Variants in MAPK8 observed in about 807,000 individuals in gnomAD.
MAPK8 encodes mitogen-activated protein kinase 8.
In MAPK8, 13 loss-of-function variants were observed where a neutral mutation model predicts 52.9. The ratio of observed to expected loss-of-function variants is 0.25; its 90% CI spans 0.16 to 0.39. MAPK8 has a LOEUF of 0.39. Among genes scored for constraint, MAPK8 ranks in the 10% least tolerant of loss-of-function variants. The pLI is 1.00. For synonymous variants in MAPK8, 191 were observed against 169.8 expected (o/e 1.12, Z -0.97); for missense variants, 300 against 519.2 (o/e 0.58, Z 4.10).
chr10:48,331,898 A>G (rs1268414947), intron 1 of MAPK8, among the ~76,000 whole-genome samples: 1 of 152,168 alleles, frequency 6.6e-6, no homozygotes, highest in Non-Finnish European at 1.5e-5. Context: ...CATTTGGTCC[A>G]GGGTATTTTA....
intron 11 of MAPK8, among the ~76,000 whole-genome samples, chr10:48,434,448 C>CT (rs1452289414): frequency 2.0e-5 from 3 of 152,296 alleles, no homozygotes; most frequent in East Asian, 1.9e-4. Context: ...GCTGTAAAGA[C>CT]TTTTTTGTAG....
At chr10:48,381,120 A>C (rs1171081660) in intron 1 of MAPK8, among the ~76,000 whole-genome samples, 1 of 152,144 alleles carries the variant, frequency 6.6e-6, no homozygotes, top group Non-Finnish European at 1.5e-5. Flanking sequence ...ACGAAATCCT[A>C]CCTTTGTATC....
intron 11 of MAPK8, among the ~76,000 whole-genome samples, chr10:48,432,563 GCTATA>G (rs1184652902): frequency 1.3e-5 from 2 of 152,084 alleles, no homozygotes; most frequent in African/African-American, 4.8e-5. Flanking sequence ...GCTTTGTATT[GCTATA>G]TAGTAGTAGT....
intron 5 of MAPK8, among the ~76,000 whole-genome samples, chr10:48,413,392 T>C (rs574819911): frequency 7.2e-5 from 11 of 152,212 alleles, no homozygotes; most frequent in Admixed American, 7.2e-4. Flanking sequence ...TGTACCATTT[T>C]ACATTCCCAC....
chr10:48,407,698 C>G (rs951655958), intron 3 of MAPK8, among the ~76,000 whole-genome samples: 1 of 152,160 alleles, frequency 6.6e-6, no homozygotes, highest in African/African-American at 2.4e-5. Context: ...GGGACCATCA[C>G]TACAGTCAGT....
At chr10:48,403,567 A>G (rs1368850854) in intron 2 of MAPK8, among the ~76,000 whole-genome samples, 1 of 152,130 alleles carries the variant, frequency 6.6e-6, no homozygotes, top group Non-Finnish European at 1.5e-5. Flanking sequence ...AATTTACAAT[A>G]TCAAAAATTA....
At chr10:48,418,776 G>A (rs996698172) in intron 5 of MAPK8, among the ~76,000 whole-genome samples, 2 of 152,022 alleles carry the variant, frequency 1.3e-5, no homozygotes, top group Non-Finnish European at 2.9e-5. Context: ...TAGTCTTTGA[G>A]GCTTTTTTTG....
At chr10:48,355,275 C>T (rs1051151309) in intron 1 of MAPK8, among the ~76,000 whole-genome samples, 2 of 152,006 alleles carry the variant, frequency 1.3e-5, no homozygotes, top group South Asian at 2.1e-4. Context: ...TTTGGGAGGC[C>T]GAGGTGGGCG....
chr10:48,433,646 C>T (rs1395101200), intron 11 of MAPK8, among the ~76,000 whole-genome samples: 2 of 152,198 alleles, frequency 1.3e-5, no homozygotes, highest in Non-Finnish European at 2.9e-5. Context: ...TTCTGTATCC[C>T]AGTCCCCTCC....
rs71026206 is a variant in MAPK8, at chr10:48,320,211, CTTTTTTTTTTTT to C, written c.-50+13411_-50+13422del. On this transcript the variant is annotated intron_variant, in intron 1 of 11. Transcript: ENST00000374189. The stretch of plus-strand genomic sequence containing the variant: ...TTTCAGGTGTGAGCCACTGCTCGGC[CTTTTTTTTTTTT>C]TTTTTTTTTTTTTTTTTTTTAAATT... Among the ~76,000 whole-genome samples, 126 of 35,322 alleles carry C rather than the reference CTTTTTTTTTTTT, an allele frequency of 3.6e-3. 2 individuals are homozygous for C. In the South Asian group the frequency reaches 0.04, roughly 11 times the overall value. 23.2% of individuals were successfully genotyped at this position (35,322 alleles called of 152,430 possible). A position where few individuals can be genotyped will look rare whatever the true frequency, so the allele number is the denominator to read the frequency against.
At position 48,344,407 on chromosome 10, in the gene MAPK8, C is replaced by T. The variant is rs537658219; in HGVS notation, c.-50+37586C>T. ...TGCCAGATTGGCCATCTGCTGTTTC[C>T]CACTAGTCATCGATTTTTCATCAGG... On this transcript the variant is annotated intron_variant, in intron 1 of 11. Transcript: ENST00000374189. 2.9e-4 allele frequency among the ~76,000 whole-genome samples: 44 copies of T among 152,270 alleles called. 1 individual carries two copies. The South Asian group carries it at 8.9e-3, about 31-fold the overall frequency.
chr10:48,436,904 A>G lies in MAPK8; in HGVS notation c.*1875A>G, dbSNP rs2044891374. 1 of 152,352 alleles carries G rather than the reference A, an allele frequency of 6.6e-6. No homozygotes were observed. The highest frequency in any genetic ancestry group is 1.9e-4 in the East Asian group (1 of 5,190). The allele number at this position is 152,352 out of a possible 1,614,324, so 9.4% of individuals were successfully genotyped here. ...CAGAAAATATTGGATTCACAATTTC[A>G]GCAGAAATTTGAGAATGAGTGTGTT... is the stretch of plus-strand genomic sequence containing the variant. On this transcript the variant is annotated 3_prime_UTR_variant, in exon 12 of 12. Coordinates refer to ENST00000374189, the MANE Select transcript of MAPK8 (RefSeq NM_001323329.2).
chr10:48,406,552 T>C (rs1038341015), intron 3 of MAPK8, among the ~76,000 whole-genome samples: 2 of 152,186 alleles, frequency 1.3e-5, no homozygotes, highest in African/African-American at 4.8e-5. Flanking sequence ...TAGAAGAGTG[T>C]GGACAAGAGT....
At chr10:48,420,605 A>G (rs2043299318) in intron 6 of MAPK8, among the ~76,000 whole-genome samples, 2 of 152,298 alleles carry the variant, frequency 1.3e-5, no homozygotes, top group South Asian at 4.1e-4. Context: ...TTGCTTGCCT[A>G]TAACTTGAAA....
At chr10:48,322,457 G>A (rs749920506) in intron 1 of MAPK8, among the ~76,000 whole-genome samples, 1 of 152,186 alleles carries the variant, frequency 6.6e-6, no homozygotes, top group Non-Finnish European at 1.5e-5. Flanking sequence ...GACTTTGGCA[G>A]GAGGCAAGCT....
At chr10:48,388,510 A>G (rs1402487225) in intron 1 of MAPK8, among the ~76,000 whole-genome samples, 1 of 152,124 alleles carries the variant, frequency 6.6e-6, no homozygotes, top group African/African-American at 2.4e-5. Flanking sequence ...AATCAATGTA[A>G]AAACCCCTTT....
intron 11 of MAPK8, among the ~76,000 whole-genome samples, chr10:48,433,496 G>A (rs1392669874): frequency 4.6e-5 from 7 of 152,118 alleles, no homozygotes; most frequent in Non-Finnish European, 5.9e-5. Context: ...CACTCTGACT[G>A]GGAAGCTAAT....
intron 1 of MAPK8, among the ~76,000 whole-genome samples, chr10:48,323,444 G>A (rs180856581): frequency 1.2e-3 from 186 of 152,284 alleles, no homozygotes; most frequent in Non-Finnish European, 2.1e-3. Context: ...TGGACTTATG[G>A]TTGTGTCTTA....
At chr10:48,382,768 A>G (rs1307933547) in intron 1 of MAPK8, among the ~76,000 whole-genome samples, 1 of 147,442 alleles carries the variant, frequency 6.8e-6, no homozygotes, top group Non-Finnish European at 1.5e-5. Context: ...TATATTTTTT[A>G]TATATTATAT....
Sources: allele counts gnomAD v4.1 joint callset (sites outside exome capture counted in the v4.1 genomes callset), GRCh38; gene constraint gnomAD v4.1.1; transcripts MANE v1.5; gene names NCBI Gene and HGNC (gene_info 2026-07-23, HGNC 2026-07-21).